ELMO1: variants seen among roughly 807,000 people sequenced by gnomAD.
The protein encoded by ELMO1 is engulfment and cell motility protein 1.
ELMO1 carries 26 observed loss-of-function variants against 98.9 expected under a neutral mutation model. That is an observed-to-expected ratio of 0.26 (90% CI 0.19 to 0.36). The LOEUF (loss-of-function observed/expected upper bound fraction) is 0.36. ELMO1 is among the 10% of genes least tolerant of loss of function. The probability of loss-of-function intolerance (pLI) is 1.00; values close to 1 mark genes in which losing one functional copy is unlikely to be tolerated. For synonymous variants in ELMO1, 346 were observed against 346.0 expected (o/e 1.00, Z 0.00); for missense variants, 627 against 935.2 (o/e 0.67, Z 4.30).
Position 37,431,559 on chromosome 7 carries a change from G to A in ELMO1, c.-74+17116C>T, listed in dbSNP as rs1455670962. 2.0e-5 allele frequency among the ~76,000 whole-genome samples: 3 copies of A among 152,012 alleles called. No individual in the cohort carries two copies. In the East Asian group the frequency reaches 5.8e-4, roughly 29 times the overall value. On this transcript the variant is annotated intron_variant, in intron 1 of 21. Transcript: ENST00000310758. ...CCTCAACCAATCCTCAGACTTGAGA[G>A]TCAGTTTATAGTGAGTTTACACTGG...
At chr7:37,005,675 A>T (rs942034714) in intron 16 of ELMO1, among the ~76,000 whole-genome samples, 1 of 144,400 alleles carries the variant, frequency 6.9e-6, no homozygotes, top group Non-Finnish European at 1.5e-5. Flanking sequence ...CTGGGTGACA[A>T]GAGCGAGACT....
chr7:37,315,556 T>C (rs1019945599), intron 3 of ELMO1, among the ~76,000 whole-genome samples: 18 of 152,216 alleles, frequency 1.2e-4, no homozygotes, highest in African/African-American at 3.9e-4. Context: ...TCTGTTCAAT[T>C]CTTTCATCCT....
chr7:37,001,190 T>C (rs1337989006), intron 16 of ELMO1, among the ~76,000 whole-genome samples: 1 of 152,192 alleles, frequency 6.6e-6, no homozygotes, highest in Non-Finnish European at 1.5e-5. Flanking sequence ...GGTCTAGAAG[T>C]GTTTCTCAAT....
At chr7:37,146,550 G>T (rs1788001828) in intron 13 of ELMO1, among the ~76,000 whole-genome samples, 1 of 152,050 alleles carries the variant, frequency 6.6e-6, no homozygotes, top group South Asian at 2.1e-4. Flanking sequence ...CTCCTCACCT[G>T]GTTGCTTACA....
rs924605868 is a variant in ELMO1 at position 37,030,705 on chromosome 7, C to T, written c.1301-17270G>A. Among the ~76,000 whole-genome samples the T allele has an allele frequency of 2.3e-4, 35 of 152,104 alleles. 1 individual carries two copies. Among genetic ancestry groups the T allele is most frequent in the African/African-American group, 9.7e-5 (4 of 41,428 alleles). The stretch of plus-strand genomic sequence containing the variant: ...TCTTCCCAATCTCCTTGCTCTTTCT[C>T]GTCTCCTTCATAGATTTGTTTTTTG... On this transcript the variant is annotated intron_variant, in intron 15 of 21. Transcript: ENST00000310758.
chr7:37,111,591 C>A (rs1335244347), intron 14 of ELMO1, among the ~76,000 whole-genome samples: 2 of 152,210 alleles, frequency 1.3e-5, no homozygotes, highest in Non-Finnish European at 2.9e-5. Flanking sequence ...TGTCTGGGTC[C>A]AAAGTCCCCA....
intron 16 of ELMO1, among the ~76,000 whole-genome samples, chr7:36,916,259 T>C (rs1784684329): frequency 1.3e-5 from 2 of 152,196 alleles, no homozygotes. Flanking sequence ...ATAGCATCTT[T>C]GCACGAGCAG....
intron 14 of ELMO1, among the ~76,000 whole-genome samples, chr7:37,114,862 T>C (rs1427376302): frequency 6.6e-6 from 1 of 152,022 alleles, no homozygotes; most frequent in African/African-American, 2.4e-5. Flanking sequence ...AACAAATCTC[T>C]AGCCAGGCTC....
chr7:37,102,788 G>GA (rs1784707580), intron 14 of ELMO1, among the ~76,000 whole-genome samples: 1 of 152,188 alleles, frequency 6.6e-6, no homozygotes, highest in African/African-American at 2.4e-5. Flanking sequence ...GACCCAGCAT[G>GA]GAAGCTTAGA....
At chr7:37,157,730 C>G (rs1042987120) in intron 13 of ELMO1, among the ~76,000 whole-genome samples, 6 of 152,008 alleles carry the variant, frequency 3.9e-5, no homozygotes, top group Non-Finnish European at 7.4e-5. Flanking sequence ...CCATACTGCC[C>G]AAGGTAATTT....
chr7:37,267,288 C>T (rs1796314360), intron 5 of ELMO1, among the ~76,000 whole-genome samples: 1 of 152,162 alleles, frequency 6.6e-6, no homozygotes, highest in Non-Finnish European at 1.5e-5. Context: ...GGGATACCTC[C>T]TCGGCAGCAC....
intron 18 of ELMO1, among the ~76,000 whole-genome samples, chr7:36,886,724 G>C (rs1231700762): frequency 6.6e-6 from 1 of 152,172 alleles, no homozygotes; most frequent in African/African-American, 2.4e-5. Context: ...AACAGTCAAG[G>C]GTGCTTTACT....
chr7:36,953,354 G>A (rs1028859508), intron 16 of ELMO1, among the ~76,000 whole-genome samples: 2 of 152,098 alleles, frequency 1.3e-5, no homozygotes, highest in Admixed American at 1.3e-4. Context: ...AATATTTTAG[G>A]TCTGCAGCTG....
intron 13 of ELMO1, among the ~76,000 whole-genome samples, chr7:37,144,715 C>T (rs980672373): frequency 6.6e-6 from 1 of 152,134 alleles, no homozygotes; most frequent in African/African-American, 2.4e-5. Context: ...CTTTCCAAAA[C>T]ACCAGAGTTT....
At chr7:36,861,891 AG>A (rs1164572631) in intron 20 of ELMO1, 155 bp from the exon 21 acceptor site, 1 of 685,406 alleles carries the variant, frequency 1.5e-6, no homozygotes, top group Admixed American at 2.3e-5. Flanking sequence ...ATGCTCTTCA[AG>A]GTTCACGGCA....
intron 5 of ELMO1, among the ~76,000 whole-genome samples, chr7:37,265,203 G>T (rs140756056): frequency 6.6e-6 from 1 of 152,154 alleles, no homozygotes; most frequent in East Asian, 1.9e-4. Context: ...GCTTCCTCCT[G>T]ATAGATGCTG....
intron 15 of ELMO1, among the ~76,000 whole-genome samples, chr7:37,073,307 A>G (rs1324777406): frequency 1.3e-5 from 2 of 152,218 alleles, no homozygotes; most frequent in African/African-American, 4.8e-5. Context: ...AGAAACCAGG[A>G]TTCTGAACTT....
In ELMO1 at chr7:36,961,969, T is replaced by C. The variant is rs568040348; in HGVS notation, c.1437+51330A>G. 2.6e-5 allele frequency among the ~76,000 whole-genome samples: 4 copies of C among 152,326 alleles called. No individual in the cohort carries two copies. In the South Asian group the frequency reaches 8.3e-4, roughly 32 times the overall value. ...AAGAAAAGCCTTCATACCTCAAAAATTGTGTGACTTAATTAAATTAGGCTT... is the reference window on the plus strand; with the variant it reads ...AAGAAAAGCCTTCATACCTCAAAAACTGTGTGACTTAATTAAATTAGGCTT... On this transcript the variant is annotated intron_variant, in intron 16 of 21. Transcript: ENST00000310758.
intron 1 of ELMO1, among the ~76,000 whole-genome samples, chr7:37,362,431 C>CT (rs1439926948): frequency 1.3e-5 from 2 of 152,150 alleles, no homozygotes; most frequent in Non-Finnish European, 2.9e-5. Flanking sequence ...GCCACTAGCA[C>CT]TTTTAAGATT....
Sources: allele counts gnomAD v4.1 joint callset (sites outside exome capture counted in the v4.1 genomes callset), GRCh38; gene constraint gnomAD v4.1.1; transcripts MANE v1.5; gene names NCBI Gene and HGNC (gene_info 2026-07-23, HGNC 2026-07-21).